Variants in MCMDC2 observed in about 807,000 individuals in gnomAD.
MCMDC2 encodes the protein minichromosome maintenance domain-containing protein 2.
MCMDC2 carries 54 observed loss-of-function variants against 75.8 expected under a neutral mutation model. The ratio of observed to expected loss-of-function variants is 0.71; its 90% CI spans 0.57 to 0.89. MCMDC2 has a LOEUF of 0.89. Ranked by LOEUF, MCMDC2 falls within the 40% of genes least tolerant of loss-of-function variation. The pLI, the probability that MCMDC2 is intolerant of heterozygous loss-of-function variation, is 0.00. For missense variants in MCMDC2, 656 were observed against 780.4 expected, an observed-to-expected ratio of 0.84 and a Z score of 1.90; for synonymous variants, 249 against 274.6, an observed-to-expected ratio of 0.91 and a Z score of 0.92.
chr8:66,879,031 G>A lies in MCMDC2; in HGVS notation c.709+112G>A, dbSNP rs1018753115. ...AACACTTTTGGAGGCTGAGGTGGGAGGATCACTTGAGGCCAGGAGTTTGAG... is the reference window on the plus strand; with the variant it reads ...AACACTTTTGGAGGCTGAGGTGGGAAGATCACTTGAGGCCAGGAGTTTGAG... On this transcript the variant is annotated intron_variant, in intron 7 of 14. Transcript: ENST00000422365. 65 of 689,090 alleles carry A rather than the reference G, an allele frequency of 9.4e-5. 1 individual carries two copies. In the Middle Eastern group the frequency reaches 2.7e-3, roughly 28 times the overall value. The allele number at this position is 689,090 out of a possible 1,614,324, so 42.7% of individuals were successfully genotyped here. A position where few individuals can be genotyped will look rare whatever the true frequency, so the allele number is the denominator to read the frequency against.
At chr8:66,925,863 A>G (rs1468798210), downstream of MCMDC2, among the ~76,000 whole-genome samples, 3 of 152,056 alleles carry the variant, frequency 2.0e-5, no homozygotes, top group East Asian at 5.8e-4. Flanking sequence ...ATGCCCTAAA[A>G]GGCCGGGCGC....
intron 2 of MCMDC2, 41 bp from the exon 3 acceptor site, chr8:66,874,285 C>A (rs766227500): frequency 6.2e-6 from 10 of 1,607,762 alleles, no homozygotes; most frequent in Non-Finnish European, 8.5e-6. Flanking sequence ...TAAACTCCTA[C>A]ACATAGCTAT....
At chr8:66,915,001 G>A (rs1407377101) in intron 14 of MCMDC2, among the ~76,000 whole-genome samples, 1 of 152,104 alleles carries the variant, frequency 6.6e-6, no homozygotes, top group African/African-American at 2.4e-5. Context: ...AAGAAAAAGA[G>A]CTGGGAGAAA....
At chr8:66,905,092 TA>T in intron 13 of MCMDC2, 133 bp from the exon 14 acceptor site, 1 of 650,982 alleles carries the variant, frequency 1.5e-6, no homozygotes, top group Non-Finnish European at 2.2e-6. Flanking sequence ...GAAAAGAAAC[TA>T]AAAATTTTTT....
Position 66,905,307 on chromosome 8 carries a change from A to G in MCMDC2, c.1851A>G (p.Leu617=). ...LKEDVLIAAL[L]FETSLTLKYG... is the part of the protein sequence containing the mutation. ...AAGATGTGCTGATTGCAGCCTTACT[A>G]TTTGAAACATCCCTCACATTGAAAT... is the stretch of plus-strand genomic sequence containing the variant. Residue 617 remains leucine, a synonymous_variant, in exon 14 of 15, where the codon CTA becomes CTG. Coordinates refer to ENST00000422365, the MANE Select transcript of MCMDC2 (RefSeq NM_173518.5). 1 of 1,485,280 alleles carries G rather than the reference A, an allele frequency of 6.7e-7. No individual in the cohort carries two copies. Among genetic ancestry groups the G allele is most frequent in the East Asian group, 2.6e-5 (1 of 37,916 alleles). The allele number at this position is 1,485,280 out of a possible 1,614,324, so 92.0% of individuals were successfully genotyped here. A position where few individuals can be genotyped will look rare whatever the true frequency, so the allele number is the denominator to read the frequency against.
chr8:66,905,147 T>C, intron 13 of MCMDC2, 79 bp from the exon 14 acceptor site: 1 of 1,142,308 alleles, frequency 8.8e-7, no homozygotes, highest in Non-Finnish European at 1.1e-6. Context: ...TTCATATATA[T>C]CTCGATTTGT....
intron 9 of MCMDC2, chr8:66,884,721 A>G (rs1165208264): frequency 1.3e-5 from 2 of 152,042 alleles, no homozygotes; most frequent in African/African-American, 4.8e-5. Flanking sequence ...TCTTCTACTG[A>G]CAGAATTTTT....
At chr8:66,872,957 C>CAAAA (rs749748721) in intron 1 of MCMDC2, among the ~76,000 whole-genome samples, 103 of 39,398 alleles carry the variant, frequency 2.6e-3, no homozygotes, top group Non-Finnish European at 3.4e-3. Flanking sequence ...GACTCCATCT[C>CAAAA]AAAAAAAAAA....
chr8:66,887,970 G>A (rs762889658), intron 9 of MCMDC2, among the ~76,000 whole-genome samples: 1 of 152,084 alleles, frequency 6.6e-6, no homozygotes, highest in African/African-American at 2.4e-5. Context: ...ACACTCCCTT[G>A]ATTATTGTAG....
At chr8:66,873,724 A>G (rs1164012318) in intron 1 of MCMDC2, among the ~76,000 whole-genome samples, 1 of 152,004 alleles carries the variant, frequency 6.6e-6, no homozygotes, top group Non-Finnish European at 1.5e-5. Context: ...CATCTCTACT[A>G]AAAATACAAA....
intron 14 of MCMDC2, among the ~76,000 whole-genome samples, chr8:66,911,785 T>A (rs1460875970): frequency 6.6e-6 from 1 of 151,354 alleles, no homozygotes; most frequent in Non-Finnish European, 1.5e-5. Flanking sequence ...ATTGCACCAT[T>A]GCACTCCAGC....
downstream of MCMDC2, among the ~76,000 whole-genome samples, chr8:66,923,509 C>CA (rs1813624991): frequency 6.6e-6 from 1 of 151,698 alleles, no homozygotes; most frequent in East Asian, 1.9e-4. Context: ...TTGAATAATT[C>CA]AAAAAAAATT....
In MCMDC2 at chr8:66,905,244, C is replaced by T. The variant is rs1338357262; in HGVS notation, c.1788C>T (p.Ala596=). The T allele has an allele frequency of 8.2e-6, 12 of 1,462,334 alleles. No individual in the cohort carries two copies. In the Admixed American group the frequency reaches 3.0e-4, roughly 37 times the overall value. The allele number at this position is 1,462,334 out of a possible 1,614,324, so 90.6% of individuals were successfully genotyped here. A position where few individuals can be genotyped will look rare whatever the true frequency, so the allele number is the denominator to read the frequency against. ...ALKYLVFLSE[A]HARLNLRNKV... ...TTTTTAGCGTTTTCCTATCTGAAGC[C>T]CATGCACGACTGAACTTAAGGAACA... Residue 596 remains alanine (A), a synonymous_variant, in exon 14 of 15, where the codon GCC becomes GCT. Coordinates refer to ENST00000422365, the MANE Select transcript of MCMDC2 (RefSeq NM_173518.5).
At chr8:66,879,787 A>G (rs1284140875) in intron 7 of MCMDC2, among the ~76,000 whole-genome samples, 12 of 152,180 alleles carry the variant, frequency 7.9e-5, no homozygotes, top group Admixed American at 2.6e-4. Context: ...CCAAGCACTG[A>G]GCTAAGTCCC....
chr8:66,898,284 CATAGATAT>C (rs1168136242), intron 12 of MCMDC2, among the ~76,000 whole-genome samples: 2 of 151,966 alleles, frequency 1.3e-5, no homozygotes, highest in Non-Finnish European at 2.9e-5. Flanking sequence ...TTTATATTCT[CATAGATAT>C]ATAAACTTTC....
At chr8:66,902,905 AGG>A (rs1235620097) in intron 13 of MCMDC2, among the ~76,000 whole-genome samples, 1 of 151,668 alleles carries the variant, frequency 6.6e-6, no homozygotes, top group Non-Finnish European at 1.5e-5. Flanking sequence ...GGATCACCAG[AGG>A]TCAGGAGTTC....
At chr8:66,894,272 T>C (rs1812242301) in intron 10 of MCMDC2, among the ~76,000 whole-genome samples, 1 of 152,232 alleles carries the variant, frequency 6.6e-6, no homozygotes, top group Non-Finnish European at 1.5e-5. Context: ...GGTGTACTTC[T>C]AATACAGAAA....
intron 10 of MCMDC2, among the ~76,000 whole-genome samples, chr8:66,892,064 A>G (rs1019486353): frequency 3.9e-5 from 6 of 152,200 alleles, no homozygotes; most frequent in Non-Finnish European, 7.3e-5. Flanking sequence ...GGTGGGGCAC[A>G]TGTTAACAGC....
intron 13 of MCMDC2, 148 bp downstream of exon 13, chr8:66,901,496 G>T: frequency 4.4e-6 from 6 of 1,370,142 alleles, no homozygotes; most frequent in Non-Finnish European, 2.8e-6. Context: ...AGGACTAAAG[G>T]CTTCACAATT....
Sources: allele counts gnomAD v4.1 joint callset (sites outside exome capture counted in the v4.1 genomes callset), GRCh38; gene constraint gnomAD v4.1.1; transcripts MANE v1.5; gene names NCBI Gene and HGNC (gene_info 2026-07-23, HGNC 2026-07-21).